TXNDC16: variants seen among roughly 807,000 people sequenced by gnomAD.
TXNDC16 encodes thioredoxin domain-containing protein 16.
Under a neutral mutation model 85.6 loss-of-function variants are expected in TXNDC16, and 74 were observed. The ratio of observed to expected loss-of-function variants is 0.86; its 90% CI spans 0.72 to 1.05. The LOEUF is 1.05. TXNDC16 is among the 50% of genes least tolerant of loss of function. The pLI is 0.00. For synonymous variants in TXNDC16, 335 were observed against 326.5 expected (o/e 1.03, Z -0.28); for missense variants, 959 against 947.0 (o/e 1.01, Z -0.17).
chr14:52,509,673 A>AT (rs920733421), intron 9 of TXNDC16, among the ~76,000 whole-genome samples: 1 of 147,398 alleles, frequency 6.8e-6, no homozygotes, highest in Non-Finnish European at 1.5e-5. Flanking sequence ...ATGGCAGCAC[A>AT]TAAAAAAAAA....
chr14:52,549,430 G>A (rs1456653794), intron 1 of TXNDC16, among the ~76,000 whole-genome samples: 1 of 152,156 alleles, frequency 6.6e-6, no homozygotes, highest in Non-Finnish European at 1.5e-5. Context: ...GTTTTGTTCA[G>A]CAACTGAATA....
At chr14:52,456,900 T>C (rs1221711054) in intron 17 of TXNDC16, among the ~76,000 whole-genome samples, 190 bp downstream of exon 17, 1 of 152,146 alleles carries the variant, frequency 6.6e-6, no homozygotes. Flanking sequence ...GTCTTTGGTC[T>C]AAAATAAAAG....
intron 9 of TXNDC16, among the ~76,000 whole-genome samples, chr14:52,496,261 G>A (rs1433165058): frequency 2.0e-5 from 3 of 151,998 alleles, no homozygotes; most frequent in Non-Finnish European, 2.9e-5. Context: ...TAGTTGAAGC[G>A]GGGAAAAATG....
At chr14:52,459,329 T>C (rs148625507) in intron 16 of TXNDC16, among the ~76,000 whole-genome samples, 2 of 152,094 alleles carry the variant, frequency 1.3e-5, no homozygotes, top group Non-Finnish European at 2.9e-5. Context: ...CTGAAAGAGA[T>C]GGATAAACTC....
intron 6 of TXNDC16, among the ~76,000 whole-genome samples, chr14:52,528,066 C>T (rs1336641341): frequency 1.3e-5 from 2 of 152,056 alleles, no homozygotes; most frequent in African/African-American, 4.8e-5. Flanking sequence ...GTATAAAGAT[C>T]ACCCTAAGTT....
chr14:52,466,766 C>G (rs2035786431), intron 16 of TXNDC16, among the ~76,000 whole-genome samples: 1 of 151,262 alleles, frequency 6.6e-6, no homozygotes, highest in African/African-American at 2.4e-5. Context: ...ACTCGGGAGG[C>G]TGAGGCAGGA....
At chr14:52,477,061 T>A (rs554612032) in intron 14 of TXNDC16, among the ~76,000 whole-genome samples, 2 of 152,300 alleles carry the variant, frequency 1.3e-5, no homozygotes, top group East Asian at 3.9e-4. Context: ...AAGAATTTTG[T>A]ACCCAGCAAA....
chr14:52,445,243 A>T (rs1257004376), intron 18 of TXNDC16, among the ~76,000 whole-genome samples: 2 of 152,206 alleles, frequency 1.3e-5, no homozygotes, highest in Non-Finnish European at 2.9e-5. Context: ...CATTAATAAC[A>T]TAAATGTTAC....
intron 20 of TXNDC16, among the ~76,000 whole-genome samples, chr14:52,437,465 C>T (rs749852711): frequency 3.3e-5 from 5 of 151,972 alleles, no homozygotes; most frequent in African/African-American, 9.7e-5. Context: ...TAGACAAAAA[C>T]ATTATAGAAA....
intron 6 of TXNDC16, among the ~76,000 whole-genome samples, chr14:52,521,019 AAAAT>A (rs2037196665): frequency 6.6e-6 from 1 of 152,122 alleles, no homozygotes; most frequent in African/African-American, 2.4e-5. Flanking sequence ...AACTCTTTTA[AAAAT>A]AAACATCATT....
chr14:52,458,400 T>C (rs998304322), intron 16 of TXNDC16, among the ~76,000 whole-genome samples: 1 of 151,964 alleles, frequency 6.6e-6, no homozygotes, highest in Non-Finnish European at 1.5e-5. Context: ...TCTACTAAAA[T>C]ACAAAAATTA....
intron 9 of TXNDC16, among the ~76,000 whole-genome samples, chr14:52,500,327 C>T (rs1294755053): frequency 6.6e-6 from 1 of 152,184 alleles, no homozygotes; most frequent in Admixed American, 6.5e-5. Flanking sequence ...ACCTTGAGGA[C>T]ATTATTCTAA....
chr14:52,479,351 C>G (rs1188991444), intron 14 of TXNDC16, among the ~76,000 whole-genome samples: 1 of 151,980 alleles, frequency 6.6e-6, no homozygotes, highest in Non-Finnish European at 1.5e-5. Flanking sequence ...GGCATCCAAA[C>G]TGGTAAAGAG....
intron 1 of TXNDC16, among the ~76,000 whole-genome samples, chr14:52,551,112 C>T (rs1275876260): frequency 1.3e-5 from 2 of 152,112 alleles, no homozygotes; most frequent in Non-Finnish European, 2.9e-5. Context: ...ACATCTACCA[C>T]AGTTTGTCAG....
intron 9 of TXNDC16, among the ~76,000 whole-genome samples, chr14:52,493,778 T>G (rs2036468881): frequency 6.6e-6 from 1 of 151,908 alleles, no homozygotes; most frequent in South Asian, 2.1e-4. Flanking sequence ...TTTCTAATAA[T>G]TAAACTTTTT....
chr14:52,480,087 GCT>G (rs1327985698), intron 14 of TXNDC16, among the ~76,000 whole-genome samples: 2 of 152,144 alleles, frequency 1.3e-5, no homozygotes, highest in Admixed American at 1.3e-4. Flanking sequence ...AACAAATGGT[GCT>G]GAGATAATTG....
intron 7 of TXNDC16, 82 bp downstream of exon 7, chr14:52,519,090 C>A: frequency 1.6e-5 from 22 of 1,361,830 alleles, no homozygotes; most frequent in Non-Finnish European, 2.1e-5. Context: ...CGACTGTAGT[C>A]AAAAAAATAC....
intron 6 of TXNDC16, among the ~76,000 whole-genome samples, chr14:52,532,124 G>A (rs541768871): frequency 6.6e-6 from 1 of 152,034 alleles, no homozygotes; most frequent in African/African-American, 2.4e-5. Flanking sequence ...GAACACAATA[G>A]GGAAATTCAA....
chr14:52,445,904 C>T (rs1015819210), intron 18 of TXNDC16, among the ~76,000 whole-genome samples: 3 of 152,232 alleles, frequency 2.0e-5, no homozygotes, highest in African/African-American at 4.8e-5. Context: ...AAGATATCCT[C>T]GTTAAGTGAT....
Sources: gnomAD v4.1 joint callset for allele counts (sites outside exome capture counted in the v4.1 genomes callset) on GRCh38, gnomAD v4.1.1 for gene constraint, MANE v1.5 for transcripts, NCBI Gene and HGNC (gene_info 2026-07-23, HGNC 2026-07-21) for gene names.